The following PPP2R2B variants were observed in gnomAD, a reference collection of about 807,000 sequenced individuals.
PPP2R2B encodes serine/threonine-protein phosphatase 2A 55 kDa regulatory subunit B beta isoform.
In PPP2R2B, 5 loss-of-function variants were observed where a neutral mutation model predicts 46.0. The observed-to-expected ratio is 0.11, with a 90% confidence interval of 0.06 to 0.23. The LOEUF is 0.23. Among genes scored for constraint, PPP2R2B ranks in the 10% least tolerant of loss-of-function variants. PPP2R2B has a pLI of 1.00. For missense variants in PPP2R2B, 367 were observed against 575.0 expected (o/e 0.64, Z 3.70); for synonymous variants, 215 against 206.7 (o/e 1.04, Z -0.34).
chr5:147,047,149 A>G (rs1006079385), intron 1 of PPP2R2B, among the ~76,000 whole-genome samples: 1 of 152,080 alleles, frequency 6.6e-6, no homozygotes, highest in African/African-American at 2.4e-5. Flanking sequence ...GTATCAAAAC[A>G]CACAAGCATA....
At chr5:146,994,852 T>C (rs1340868124) in intron 1 of PPP2R2B, among the ~76,000 whole-genome samples, 1 of 152,218 alleles carries the variant, frequency 6.6e-6, no homozygotes, top group Non-Finnish European at 1.5e-5. Context: ...GACATAGTTC[T>C]TGCTCTTATG....
intron 2 of PPP2R2B, among the ~76,000 whole-genome samples, chr5:147,064,039 C>T (rs983323252): frequency 2.0e-5 from 3 of 152,208 alleles, no homozygotes; most frequent in Non-Finnish European, 2.9e-5. Flanking sequence ...TTTGCTCATT[C>T]AGCGAGGACC....
At chr5:146,705,372 C>A (rs116835365) in intron 2 of PPP2R2B, among the ~76,000 whole-genome samples, 47 of 152,116 alleles carry the variant, frequency 3.1e-4, no homozygotes, top group Non-Finnish European at 5.7e-4. Flanking sequence ...ATCATAGTTA[C>A]CAGGTTTGTG....
intron 2 of PPP2R2B, among the ~76,000 whole-genome samples, chr5:146,835,908 T>TG (rs1759252575): frequency 6.6e-6 from 1 of 152,126 alleles, no homozygotes; most frequent in South Asian, 2.1e-4. Flanking sequence ...CCTAATGAAG[T>TG]GGGTTGGCAT....
At chr5:147,055,174 A>G (rs1183161068) in intron 1 of PPP2R2B, among the ~76,000 whole-genome samples, 2 of 152,182 alleles carry the variant, frequency 1.3e-5, no homozygotes, top group Admixed American at 6.5e-5. Flanking sequence ...TAACCCAAGT[A>G]CAGACTCCAA....
chr5:147,071,582 G>C (rs1178882344), intron 2 of PPP2R2B, among the ~76,000 whole-genome samples: 6 of 152,048 alleles, frequency 3.9e-5, no homozygotes, highest in Non-Finnish European at 5.9e-5. Context: ...CAGGGCAATT[G>C]TACTGGCTGT....
intron 7 of PPP2R2B, among the ~76,000 whole-genome samples, chr5:146,609,639 C>T (rs1772655632): frequency 1.3e-5 from 2 of 149,212 alleles, no homozygotes; most frequent in South Asian, 2.2e-4. Context: ...TGTGTGCGCA[C>T]CGTGCGCGAG....
At chr5:146,878,883 T>C, upstream of PPP2R2B, 1 of 1,159,374 alleles carries the variant, frequency 8.6e-7, no homozygotes, top group Non-Finnish European at 1.1e-6. The surrounding 1 kb of genome is among the most constrained non-coding windows in gnomAD (Gnocchi z 4.5). Flanking sequence ...TTTGCTGCAG[T>C]GGGGCGCATG....
chr5:146,995,653 G>A (rs1438408939), intron 1 of PPP2R2B, among the ~76,000 whole-genome samples: 1 of 152,140 alleles, frequency 6.6e-6, no homozygotes, highest in Non-Finnish European at 1.5e-5. Flanking sequence ...ATTGTCTTTT[G>A]ATGACTTAGA....
chr5:146,988,099 T>A (rs1753514694), intron 1 of PPP2R2B, among the ~76,000 whole-genome samples: 1 of 151,912 alleles, frequency 6.6e-6, no homozygotes, highest in South Asian at 2.1e-4. Context: ...CACCCAACAC[T>A]AGAGTACCTA....
chr5:146,901,223 C>A (rs1180448686), intron 1 of PPP2R2B, among the ~76,000 whole-genome samples: 3 of 152,026 alleles, frequency 2.0e-5, no homozygotes, highest in Admixed American at 1.3e-4. Flanking sequence ...CAAATAAATT[C>A]AAACAGTGGC....
intron 5 of PPP2R2B, among the ~76,000 whole-genome samples, chr5:146,686,358 G>A (rs1332440546): frequency 1.3e-5 from 2 of 152,158 alleles, no homozygotes; most frequent in Non-Finnish European, 2.9e-5. Context: ...GGAAATGTGG[G>A]TGTGCTCTTT....
In PPP2R2B at chr5:146,698,080, G is replaced by A; in HGVS notation, c.233C>T (p.Pro78Leu). 1 of 1,612,414 alleles carries A rather than the reference G, an allele frequency of 6.2e-7. No individual in the cohort carries two copies. Among genetic ancestry groups the A allele is most frequent in the South Asian group, 1.1e-5 (1 of 91,010 alleles). The change falls in exon 4 of 10, where the codon CCC (proline) becomes CTC (leucine). Residue 78 changes from proline to leucine, a missense_variant. Coordinates refer to ENST00000394411, the MANE Select transcript of PPP2R2B (RefSeq NM_181675.4). ...NVYSTFQSHE[P>L]EFDYLKSLEI... ...TAAACTCTTCAGGTAATCGAACTCG[G>A]GTTCATGGCTCTGGAATGTGCTGTA...
chr5:146,831,766 C>A (rs540054260), intron 2 of PPP2R2B, among the ~76,000 whole-genome samples: 1 of 152,296 alleles, frequency 6.6e-6, no homozygotes, highest in South Asian at 2.1e-4. Flanking sequence ...GGTGACACTC[C>A]AGCTTGGGTG....
intron 2 of PPP2R2B, among the ~76,000 whole-genome samples, chr5:146,721,611 G>A (rs1175722535): frequency 6.6e-6 from 1 of 152,232 alleles, no homozygotes; most frequent in East Asian, 1.9e-4. Context: ...AACATCATTG[G>A]ATTCCACCAG....
chr5:146,681,546 A>G (rs1778175643), intron 5 of PPP2R2B, among the ~76,000 whole-genome samples: 1 of 152,240 alleles, frequency 6.6e-6, no homozygotes, highest in African/African-American at 2.4e-5. Flanking sequence ...TGAAAAATTC[A>G]GAAAATAAAA....
chr5:146,926,935 T>C (rs1009310613), intron 1 of PPP2R2B, among the ~76,000 whole-genome samples: 3 of 152,156 alleles, frequency 2.0e-5, no homozygotes, highest in Non-Finnish European at 4.4e-5. Context: ...CCATCCAAGA[T>C]GATCATTTCT....
intron 1 of PPP2R2B, among the ~76,000 whole-genome samples, chr5:147,042,223 C>A (rs942969464): frequency 1.0e-4 from 15 of 150,546 alleles, no homozygotes; most frequent in African/African-American, 2.9e-4. Context: ...TTTAACTAGA[C>A]CCCCCCCTCC....
chr5:146,884,062 T>TA (rs929444505), intron 1 of PPP2R2B, among the ~76,000 whole-genome samples: 16 of 143,542 alleles, frequency 1.1e-4, no homozygotes, highest in South Asian at 1.1e-3. Context: ...CACAGAAAAT[T>TA]AAAAAAAAAC....
Sources: gnomAD v4.1 joint callset for allele counts (sites outside exome capture counted in the v4.1 genomes callset) on GRCh38, gnomAD v4.1.1 for gene constraint, Gnocchi (gnomAD v3.1) non-coding constraint, MANE v1.5 for transcripts, NCBI Gene and HGNC (gene_info 2026-07-23, HGNC 2026-07-21) for gene names.